The following ERBB4 variants were observed in gnomAD, a reference collection of about 807,000 sequenced individuals.
The protein encoded by ERBB4 is receptor tyrosine-protein kinase erbB-4.
A neutral mutation model predicts 158.0 loss-of-function variants in ERBB4; 42 were observed. That is an observed-to-expected ratio of 0.27 (90% CI 0.21 to 0.34). The LOEUF is 0.34. Among genes scored for constraint, ERBB4 ranks in the 10% least tolerant of loss-of-function variants. The pLI is 1.00. For missense variants in ERBB4, 1,333 were observed against 1,624.1 expected (o/e 0.82, Z 3.08); for synonymous variants, 583 against 558.7 (o/e 1.04, Z -0.61).
At chr2:212,376,152 G>A (rs921284754) in intron 1 of ERBB4, among the ~76,000 whole-genome samples, 6 of 152,180 alleles carry the variant, frequency 3.9e-5, no homozygotes, top group South Asian at 2.1e-4. Flanking sequence ...CTTTCCACTC[G>A]ATGGGTGCCA....
chr2:212,128,917 G>A (rs2080024344), intron 1 of ERBB4, among the ~76,000 whole-genome samples: 1 of 151,836 alleles, frequency 6.6e-6, no homozygotes, highest in Non-Finnish European at 1.5e-5. Flanking sequence ...ATATATTAAA[G>A]GCCCTTTTGG....
chr2:211,434,823 A>C (rs2063816384), intron 20 of ERBB4, among the ~76,000 whole-genome samples: 1 of 152,236 alleles, frequency 6.6e-6, no homozygotes, highest in Non-Finnish European at 1.5e-5. Context: ...GTAAGTATCT[A>C]TATCATTACC....
At chr2:211,818,763 C>T (rs780816196) in intron 3 of ERBB4, among the ~76,000 whole-genome samples, 1 of 151,746 alleles carries the variant, frequency 6.6e-6, no homozygotes, top group Non-Finnish European at 1.5e-5. Flanking sequence ...AAAATACATT[C>T]CACAGGTCCA....
intron 2 of ERBB4, among the ~76,000 whole-genome samples, chr2:212,115,399 A>T (rs952505768): frequency 1.3e-5 from 2 of 152,166 alleles, no homozygotes; most frequent in African/African-American, 4.8e-5. Context: ...TAATGAAAAT[A>T]TATGTAGTAT....
chr2:212,274,105 G>A (rs547906887), intron 1 of ERBB4, among the ~76,000 whole-genome samples: 5 of 151,864 alleles, frequency 3.3e-5, no homozygotes, highest in East Asian at 3.9e-4. Context: ...AGAAAATCAC[G>A]AGAGGAAAAT....
chr2:211,418,705 G>C (rs1261590616), intron 25 of ERBB4, among the ~76,000 whole-genome samples: 1 of 151,938 alleles, frequency 6.6e-6, no homozygotes, highest in Non-Finnish European at 1.5e-5. Flanking sequence ...TTTCACTGTT[G>C]TAACCAGAAG....
intron 20 of ERBB4, among the ~76,000 whole-genome samples, chr2:211,547,332 C>T (rs1200698652): frequency 6.6e-6 from 1 of 152,086 alleles, no homozygotes; most frequent in Non-Finnish European, 1.5e-5. Flanking sequence ...GTTTCATCTT[C>T]AGTCCCACTG....
At chr2:211,779,817 C>T (rs2075989887) in intron 4 of ERBB4, 1 of 152,166 alleles carries the variant, frequency 6.6e-6, no homozygotes, top group Non-Finnish European at 1.5e-5. Flanking sequence ...TCAAGCCCAT[C>T]CCATAACCTC....
intron 3 of ERBB4, among the ~76,000 whole-genome samples, chr2:211,812,653 G>A (rs1236510488): frequency 6.6e-6 from 1 of 152,214 alleles, no homozygotes; most frequent in East Asian, 1.9e-4. Context: ...CAGAGGTGGA[G>A]TCATACAGGC....
chr2:211,959,115 A>G (rs2081105566), intron 2 of ERBB4, among the ~76,000 whole-genome samples: 1 of 152,024 alleles, frequency 6.6e-6, no homozygotes, highest in Non-Finnish European at 1.5e-5. Context: ...TCATTCATCC[A>G]TCCATCCATC....
Position 212,091,200 on chromosome 2 carries a change from T to TA in ERBB4, c.234+33551dup, listed in dbSNP as rs35873863. ...AGGAAGCTGAAGAGCAGGAGACAGG[T>TA]AAAAAAAAAAAAAAGTACAGAAAGA... On this transcript the variant is annotated intron_variant, in intron 2 of 27. Transcript: ENST00000342788. 6.4e-4 allele frequency among the ~76,000 whole-genome samples: 95 copies of TA among 147,322 alleles called. 1 individual carries two copies. The highest frequency in any genetic ancestry group is 2.0e-3 in the African/African-American group (81 of 40,000).
Position 211,383,635 on chromosome 2 carries a change from G to A in ERBB4, c.3907C>T (p.His1303Tyr), listed in dbSNP as rs2062617408. Residue 1303 changes from histidine (H) to tyrosine (Y), a missense_variant, in exon 28 of 28, where the codon CAC becomes TAC. Around this residue, in one of 5 missense-constraint regions of ERBB4, gnomAD observed 84 missense variants for 110.8 expected, o/e 0.76. Transcript: ENST00000342788. ...GTVLPPPPYR[H>Y]RNTVV ...TGAGCTTACACCACAGTATTCCGGT[G>A]TCTGTAAGGTGGAGGCGGCAGCACA... 1 of 1,613,286 alleles carries A rather than the reference G, an allele frequency of 6.2e-7. No individual in the cohort carries two copies. The highest frequency in any genetic ancestry group is 1.3e-5 in the African/African-American group (1 of 74,890).
At chr2:212,299,856 G>A (rs1428382537) in intron 1 of ERBB4, among the ~76,000 whole-genome samples, 1 of 151,546 alleles carries the variant, frequency 6.6e-6, no homozygotes, top group Non-Finnish European at 1.5e-5. Flanking sequence ...TAATACTGCT[G>A]CATAGCACGG....
chr2:211,719,287 T>C (rs2074020771), intron 7 of ERBB4, among the ~76,000 whole-genome samples: 1 of 152,224 alleles, frequency 6.6e-6, no homozygotes, highest in South Asian at 2.1e-4. Flanking sequence ...TCGTTATCAA[T>C]GTTAAAAACT....
At chr2:212,198,585 A>C (rs1206967290) in intron 1 of ERBB4, among the ~76,000 whole-genome samples, 1 of 151,850 alleles carries the variant, frequency 6.6e-6, no homozygotes, top group Non-Finnish European at 1.5e-5. Context: ...TGCCATATAT[A>C]TAGTTTTTAG....
intron 1 of ERBB4, among the ~76,000 whole-genome samples, chr2:212,160,245 C>A (rs190374718): frequency 2.0e-5 from 3 of 151,932 alleles, no homozygotes; most frequent in Admixed American, 6.6e-5. Context: ...TCAGGCTTGT[C>A]CCCTTGCTTG....
In ERBB4 at chr2:211,773,631, TATATATATATATATATA is replaced by T. The variant is rs1559506301; in HGVS notation, c.556+14377_556+14393del. Among the ~76,000 whole-genome samples, 473 of 91,226 alleles carry T rather than the reference TATATATATATATATATA, an allele frequency of 5.2e-3. 10 individuals carry two copies. Among genetic ancestry groups the T allele is most frequent in the African/African-American group, 0.024 (342 of 14,348 alleles). 59.8% of individuals were successfully genotyped at this position (91,226 alleles called of 152,430 possible). On this transcript the variant is annotated intron_variant, in intron 4 of 27. Transcript: ENST00000342788. ...ATATATATATATATATATATATATA[TATATATATATATATATA>T]ATATATATACACACACACACACTTC...
In ERBB4 at chr2:212,094,649, G is replaced by A. The variant is rs533691895; in HGVS notation, c.234+30103C>T. 8.5e-5 allele frequency among the ~76,000 whole-genome samples: 13 copies of A among 152,112 alleles called. No homozygotes were observed. In the East Asian group the frequency reaches 1.4e-3, roughly 16 times the overall value. On this transcript the variant is annotated intron_variant, in intron 2 of 27. Coordinates refer to ENST00000342788, the MANE Select transcript of ERBB4 (RefSeq NM_005235.3). ...TCACCATGTGATTCGCAGGCTCCCC[G>A]GTTACCTTCTGTCATGATCGAAAGC...
At chr2:211,839,784 G>A (rs2077430074) in intron 3 of ERBB4, among the ~76,000 whole-genome samples, 1 of 152,076 alleles carries the variant, frequency 6.6e-6, no homozygotes, top group African/African-American at 2.4e-5. Flanking sequence ...CATATTACGT[G>A]TAGTTCTCTA....
Sources: gnomAD v4.1 joint callset for allele counts (sites outside exome capture counted in the v4.1 genomes callset) on GRCh38, gnomAD v4.1.1 for gene constraint, gnomAD v4.1.1 regional missense constraint, MANE v1.5 for transcripts, NCBI Gene and HGNC (gene_info 2026-07-23, HGNC 2026-07-21) for gene names.